Variants in SMARCA2 observed in about 807,000 individuals in gnomAD.
SMARCA2 encodes the protein SWI/SNF related BAF chromatin remodeling complex subunit ATPase 2.
A neutral mutation model predicts 199.8 loss-of-function variants in SMARCA2; 61 were observed. That is an observed-to-expected ratio of 0.31 (90% CI 0.25 to 0.38). SMARCA2 has a LOEUF of 0.38. Ranked by LOEUF, SMARCA2 falls within the 10% of genes least tolerant of loss-of-function variation. The probability of loss-of-function intolerance (pLI) is 1.00; values close to 1 mark genes in which losing one functional copy is unlikely to be tolerated. For missense variants in SMARCA2, 1,344 were observed against 2,012.2 expected (o/e 0.67, Z 6.35); for synonymous variants, 935 against 732.0 (o/e 1.28, Z -4.48).
rs17452565 is a variant in SMARCA2 at position 2,169,493 on chromosome 9, C to G, written c.4200-926C>G. On this transcript the variant is annotated intron_variant, in intron 28 of 33. Transcript: ENST00000349721. The surrounding 1 kb of genome is among the most constrained non-coding windows in gnomAD (Gnocchi z 6.5). The stretch of plus-strand genomic sequence containing the variant: ...CCAAAGAATTCTGTGTATTTTGAAG[C>G]GAGCACATGCGCTTCCACCCCTCTG... 1.3e-5 allele frequency among the ~76,000 whole-genome samples: 2 copies of G among 152,096 alleles called. No individual in the cohort carries two copies. Among genetic ancestry groups the G allele is most frequent in the Non-Finnish European group, 2.9e-5 (2 of 68,014 alleles).
At chr9:2,075,694 G>T (rs1377517778) in intron 12 of SMARCA2, among the ~76,000 whole-genome samples, 2 of 152,156 alleles carry the variant, frequency 1.3e-5, no homozygotes, top group Admixed American at 6.5e-5. Context: ...TTTCGCTCTT[G>T]TTGTCCAGGC....
At chr9:2,063,131 G>A (rs1211638785) in intron 9 of SMARCA2, among the ~76,000 whole-genome samples, 1 of 152,116 alleles carries the variant, frequency 6.6e-6, no homozygotes, top group Admixed American at 6.5e-5. Flanking sequence ...GGACTAAGTC[G>A]GAGGGGCTCT....
intron 19 of SMARCA2, 116 bp from the exon 20 acceptor site, chr9:2,096,541 G>C (rs1279186165): frequency 4.4e-6 from 3 of 685,670 alleles, no homozygotes; most frequent in Non-Finnish European, 7.9e-6. Flanking sequence ...GTGAATCCAA[G>C]AAAGAGAAAG....
rs1251682092 is a variant in SMARCA2, at chr9:2,061,083, G to A, written c.1692+97G>A. 4 of 1,175,712 alleles carry A rather than the reference G, an allele frequency of 3.4e-6. No homozygotes were observed. The African/African-American group carries it at 4.6e-5, about 14-fold the overall frequency. The allele number at this position is 1,175,712 out of a possible 1,614,324, so 72.8% of individuals were successfully genotyped here. Reference sequence around the variant, plus strand: ...TCTTTAAGTACTACTTCTTACACTGGTGGAAGGTTTAGATGATTGAATTGT... The same window carrying A: ...TCTTTAAGTACTACTTCTTACACTGATGGAAGGTTTAGATGATTGAATTGT... On this transcript the variant is annotated intron_variant, in intron 9 of 33. Coordinates refer to ENST00000349721, the MANE Select transcript of SMARCA2 (RefSeq NM_003070.5).
intron 9 of SMARCA2, among the ~76,000 whole-genome samples, chr9:2,067,460 A>G (rs1181332905): frequency 1.3e-5 from 2 of 152,226 alleles, no homozygotes; most frequent in Non-Finnish European, 2.9e-5. Flanking sequence ...TAGACATAAA[A>G]GAATAGTCCT....
At chr9:2,185,032 A>G (rs1231223652) in intron 31 of SMARCA2, among the ~76,000 whole-genome samples, 1 of 152,214 alleles carries the variant, frequency 6.6e-6, no homozygotes, top group Non-Finnish European at 1.5e-5. Context: ...TTTTTAAAAC[A>G]CTGTGATTAA....
intron 25 of SMARCA2, among the ~76,000 whole-genome samples, chr9:2,116,555 T>C (rs1586722256): frequency 6.6e-6 from 1 of 152,350 alleles, no homozygotes; most frequent in South Asian, 2.1e-4. Flanking sequence ...AAGCATGACC[T>C]TAACCTCTAC....
chr9:2,192,617 C>G (rs1827963094), intron 33 of SMARCA2, 87 bp from the exon 34 acceptor site: 2 of 914,254 alleles, frequency 2.2e-6, no homozygotes, highest in East Asian at 2.4e-5. Flanking sequence ...TCATTTTTTC[C>G]TACTGGCCTC....
chr9:2,123,627 T>C lies in SMARCA2; in HGVS notation c.3763-92T>C, dbSNP rs901931724. ...GAGGTTGAAAGGGACCCTGCAGCCATAGGAAGTGACTTGGGGAAGTTGTGT... is the reference window on the plus strand; with the variant it reads ...GAGGTTGAAAGGGACCCTGCAGCCACAGGAAGTGACTTGGGGAAGTTGTGT... On this transcript the variant is annotated intron_variant, in intron 26 of 33. Coordinates refer to ENST00000349721, the MANE Select transcript of SMARCA2 (RefSeq NM_003070.5). The surrounding 1 kb of genome is among the most constrained non-coding windows in gnomAD (Gnocchi z 4.1). 51 of 1,096,202 alleles carry C rather than the reference T, an allele frequency of 4.7e-5. No individual in the cohort carries two copies. The highest frequency in any genetic ancestry group is 6.5e-5 in the Non-Finnish European group (47 of 727,052). The allele number at this position is 1,096,202 out of a possible 1,614,324, so 67.9% of individuals were successfully genotyped here.
intron 24 of SMARCA2, among the ~76,000 whole-genome samples, chr9:2,113,966 G>C (rs991624252): frequency 3.9e-5 from 6 of 152,296 alleles, no homozygotes; most frequent in Admixed American, 3.9e-4. Context: ...TCAGCCTTCT[G>C]GTGAGAACAG....
intron 32 of SMARCA2, among the ~76,000 whole-genome samples, chr9:2,188,336 A>T (rs527551017): frequency 5.5e-4 from 83 of 152,292 alleles, no homozygotes; most frequent in Non-Finnish European, 9.8e-4. Flanking sequence ...TATGTGATGT[A>T]TACACATTGC....
At chr9:2,118,363 C>T (rs1419411329) in intron 25 of SMARCA2, among the ~76,000 whole-genome samples, 1 of 152,112 alleles carries the variant, frequency 6.6e-6, no homozygotes, top group African/African-American at 2.4e-5. Flanking sequence ...TATTGGATTG[C>T]ATTCATTTCT....
In SMARCA2 at chr9:2,169,381, G is replaced by T. The variant is rs1826116556; in HGVS notation, c.4200-1038G>T. On this transcript the variant is annotated intron_variant, in intron 28 of 33. Coordinates refer to ENST00000349721, the MANE Select transcript of SMARCA2 (RefSeq NM_003070.5). This position sits in a 1 kb window ranked among gnomAD's most constrained non-coding sequence, Gnocchi z 6.5. Reference sequence around the variant, plus strand: ...CCAGACTTCTTAGCGTAGGAGAATTGTTATCTTCCACAGTCTGAACCTTCG... The same window carrying T: ...CCAGACTTCTTAGCGTAGGAGAATTTTTATCTTCCACAGTCTGAACCTTCG... Among the ~76,000 whole-genome samples the T allele has an allele frequency of 6.6e-6, 1 of 152,132 alleles. No individual in the cohort carries two copies.
intron 27 of SMARCA2, among the ~76,000 whole-genome samples, chr9:2,139,165 T>C (rs1316849202): frequency 6.6e-6 from 1 of 152,188 alleles, no homozygotes; most frequent in African/African-American, 2.4e-5. Context: ...AGGTCTTCCT[T>C]CTGGCTGCAC....
rs973975169 is a variant in SMARCA2, at chr9:2,121,134, C to A, written c.3762+1599C>A. The stretch of plus-strand genomic sequence containing the variant: ...TGCCATTATACAAATTAGATTAGGC[C>A]CAGAAATGGAGAATTCTTTCAGCAG... On this transcript the variant is annotated intron_variant, in intron 26 of 33. Coordinates refer to ENST00000349721, the MANE Select transcript of SMARCA2 (RefSeq NM_003070.5). Among the ~76,000 whole-genome samples the A allele has an allele frequency of 3.3e-5, 5 of 152,158 alleles. No individual in the cohort carries two copies. The South Asian group carries it at 6.2e-4, about 19-fold the overall frequency.
intron 9 of SMARCA2, among the ~76,000 whole-genome samples, chr9:2,069,270 T>C (rs953942923): frequency 6.6e-6 from 1 of 151,434 alleles, no homozygotes; most frequent in Admixed American, 6.6e-5. Context: ...ACATAGAAGT[T>C]AATGGACTAA....
intron 27 of SMARCA2, among the ~76,000 whole-genome samples, chr9:2,129,390 C>T (rs1823839627): frequency 6.6e-6 from 1 of 152,128 alleles, no homozygotes; most frequent in Admixed American, 6.5e-5. Flanking sequence ...TGCACTCCTG[C>T]CTGGGCGACA....
chr9:2,162,420 A>G (rs1462986273), intron 28 of SMARCA2, among the ~76,000 whole-genome samples: 1 of 152,150 alleles, frequency 6.6e-6, no homozygotes, highest in Non-Finnish European at 1.5e-5. Flanking sequence ...ACCACATAGC[A>G]TGGTCTTTCA....
intron 30 of SMARCA2, 99 bp downstream of exon 30, chr9:2,181,775 T>G (rs1448392456): frequency 4.3e-6 from 3 of 702,110 alleles, no homozygotes; most frequent in Middle Eastern, 4.0e-4. Context: ...CACTGATGGG[T>G]ACCCAGGGCT....
Sources: gnomAD v4.1 joint callset for allele counts (sites outside exome capture counted in the v4.1 genomes callset) on GRCh38, gnomAD v4.1.1 for gene constraint, Gnocchi (gnomAD v3.1) non-coding constraint, MANE v1.5 for transcripts, NCBI Gene and HGNC (gene_info 2026-07-23, HGNC 2026-07-21) for gene names.